Variants in DSCAM observed in about 807,000 individuals in gnomAD.
DSCAM encodes the protein cell adhesion molecule DSCAM.
In DSCAM, 47 loss-of-function variants were observed where a neutral mutation model predicts 217.7. The ratio of observed to expected loss-of-function variants is 0.22; its 90% CI spans 0.17 to 0.28. The LOEUF (loss-of-function observed/expected upper bound fraction) is 0.28, where lower values mean the gene tolerates loss of function less well. Among genes scored for constraint, DSCAM ranks in the 10% least tolerant of loss-of-function variants. The pLI is 1.00. For missense variants in DSCAM, 2,080 were observed against 2,618.3 expected, an observed-to-expected ratio of 0.79 and a Z score of 4.49; for synonymous variants, 1,056 against 1,015.3, an observed-to-expected ratio of 1.04 and a Z score of -0.76.
chr21:40,743,426 A>C (rs1425552498), intron 1 of DSCAM, among the ~76,000 whole-genome samples: 1 of 152,284 alleles, frequency 6.6e-6, no homozygotes, highest in East Asian at 1.9e-4. Flanking sequence ...CACCTGGAAC[A>C]AATAAGGTCT....
rs183340627 is a variant in DSCAM at position 40,640,681 on chromosome 21, C to G, written c.508+52129G>C. Among the ~76,000 whole-genome samples the G allele has an allele frequency of 3.9e-5, 6 of 152,258 alleles. No individual in the cohort carries two copies. The East Asian group carries it at 1.2e-3, about 29-fold the overall frequency. On this transcript the variant is annotated intron_variant, in intron 3 of 32. Transcript: ENST00000400454. ...AAACAGGCCCAAGAGATGTGGAGAG[C>G]AGAGGTTGTCACAGACACATGCCAT...
At chr21:40,368,160 C>A (rs538306882) in intron 4 of DSCAM, among the ~76,000 whole-genome samples, 1 of 152,130 alleles carries the variant, frequency 6.6e-6, no homozygotes, top group Non-Finnish European at 1.5e-5. Context: ...ATATCAGGAT[C>A]CCCCTCCTAC....
intron 1 of DSCAM, among the ~76,000 whole-genome samples, chr21:40,827,075 A>G (rs2091974632): frequency 6.6e-6 from 1 of 152,024 alleles, no homozygotes; most frequent in Non-Finnish European, 1.5e-5. Context: ...TTTAGAGTCT[A>G]ATTAGAGGGA....
At chr21:40,712,491 A>G (rs1371169241) in intron 1 of DSCAM, among the ~76,000 whole-genome samples, 1 of 148,114 alleles carries the variant, frequency 6.8e-6, no homozygotes, top group Admixed American at 6.7e-5. Context: ...AAAAAAAAAA[A>G]AAAAAGAATC....
chr21:40,831,904 C>G (rs2092014701), intron 1 of DSCAM, among the ~76,000 whole-genome samples: 1 of 152,200 alleles, frequency 6.6e-6, no homozygotes, highest in East Asian at 1.9e-4. Context: ...CAAAACAACT[C>G]TTTAAAGAAA....
chr21:40,779,810 G>GA (rs562870433), intron 1 of DSCAM, among the ~76,000 whole-genome samples: 20 of 152,186 alleles, frequency 1.3e-4, no homozygotes, highest in Non-Finnish European at 1.5e-5. Context: ...CCAAGGAATA[G>GA]AAAAATGCCC....
intron 3 of DSCAM, among the ~76,000 whole-genome samples, chr21:40,648,174 TA>T (rs111433750): frequency 0.018 from 2,680 of 151,918 alleles, 95 homozygotes; most frequent in African/African-American, 0.062. Context: ...GGGGTGATAC[TA>T]AAATAATTCA....
intron 9 of DSCAM, among the ~76,000 whole-genome samples, chr21:40,299,240 C>A (rs916177936): frequency 1.3e-5 from 2 of 152,144 alleles, no homozygotes; most frequent in African/African-American, 2.4e-5. Context: ...GAGGAAAATG[C>A]TATATTTTAC....
intron 3 of DSCAM, among the ~76,000 whole-genome samples, chr21:40,592,966 T>C (rs2076994712): frequency 6.6e-6 from 1 of 152,222 alleles, no homozygotes; most frequent in Admixed American, 6.5e-5. Context: ...AACGAGGTTT[T>C]AAAAGATGCA....
intron 3 of DSCAM, among the ~76,000 whole-genome samples, chr21:40,476,096 T>C (rs2075933158): frequency 6.6e-6 from 1 of 152,012 alleles, no homozygotes; most frequent in Non-Finnish European, 1.5e-5. Flanking sequence ...TGTATTTCTA[T>C]AGGAGGGTCC....
intron 16 of DSCAM, among the ~76,000 whole-genome samples, chr21:40,165,796 C>T (rs2090588474): frequency 6.6e-6 from 1 of 152,116 alleles, no homozygotes; most frequent in African/African-American, 2.4e-5. Context: ...TAAAACTTCA[C>T]AGTCTTCAAT....
chr21:40,558,439 C>A (rs940586785), intron 3 of DSCAM, among the ~76,000 whole-genome samples: 3 of 141,088 alleles, frequency 2.1e-5, no homozygotes, highest in African/African-American at 7.8e-5. Flanking sequence ...CAGAGCAAGA[C>A]TCCATCTCAA....
At chr21:40,139,644 T>C (rs985204786) in intron 18 of DSCAM, among the ~76,000 whole-genome samples, 1 of 151,846 alleles carries the variant, frequency 6.6e-6, no homozygotes, top group Non-Finnish European at 1.5e-5. Flanking sequence ...CTTTCATAGG[T>C]GTATGTGGTG....
intron 1 of DSCAM, among the ~76,000 whole-genome samples, chr21:40,772,063 G>A (rs531174893): frequency 1.3e-5 from 2 of 151,062 alleles, no homozygotes; most frequent in African/African-American, 4.8e-5. Flanking sequence ...AATTGACACA[G>A]AATTTTCATA....
chr21:40,560,579 T>C (rs1370170113), intron 3 of DSCAM, among the ~76,000 whole-genome samples: 1 of 152,204 alleles, frequency 6.6e-6, no homozygotes, highest in Non-Finnish European at 1.5e-5. Context: ...TCATTGTAAG[T>C]TGAAAATATC....
intron 10 of DSCAM, among the ~76,000 whole-genome samples, chr21:40,278,118 A>G (rs1166175565): frequency 1.3e-5 from 2 of 152,160 alleles, no homozygotes; most frequent in African/African-American, 2.4e-5. Context: ...TAAAAATTAA[A>G]AAGAAAATAT....
At chr21:40,272,314 T>C (rs1287382222) in intron 11 of DSCAM, among the ~76,000 whole-genome samples, 1 of 152,162 alleles carries the variant, frequency 6.6e-6, no homozygotes, top group African/African-American at 2.4e-5. Context: ...TAAACCAGAA[T>C]TGTGATGACA....
intron 27 of DSCAM, 135 bp downstream of exon 27, chr21:40,074,902 C>G (rs1483808702): frequency 2.3e-5 from 19 of 834,532 alleles, no homozygotes; most frequent in Non-Finnish European, 3.4e-5. Flanking sequence ...TGTCAGAGAA[C>G]CAGGCAGTGG....
chr21:40,087,223 C>T lies in DSCAM; in HGVS notation c.3915G>A (p.Leu1305=). ...AAGGGTCCCCAACAGCCTTACAAGG[C>T]AAGACAATGTCTTTCATCCATGGAG... ...VTTPWMKDIV[L]PCKAVGDPSP... Residue 1305 remains leucine, a synonymous_variant, in exon 22 of 33, where the codon TTG becomes TTA. Transcript: ENST00000400454. 6.2e-7 allele frequency: 1 copy of T among 1,614,138 alleles called. No homozygotes were observed. The highest frequency in any genetic ancestry group is 8.5e-7 in the Non-Finnish European group (1 of 1,179,998).
Sources: allele counts gnomAD v4.1 joint callset (sites outside exome capture counted in the v4.1 genomes callset), GRCh38; gene constraint gnomAD v4.1.1; transcripts MANE v1.5; gene names NCBI Gene and HGNC (gene_info 2026-07-23, HGNC 2026-07-21).